Variants in TBC1D12 observed in about 807,000 individuals in gnomAD.
TBC1D12 encodes the protein TBC1 domain family, member 12.
Under a neutral mutation model 86.7 loss-of-function variants are expected in TBC1D12, and 56 were observed. The observed-to-expected ratio is 0.65, with a 90% CI of 0.52 to 0.81. The LOEUF (loss-of-function observed/expected upper bound fraction) is 0.81. Ranked by LOEUF, TBC1D12 falls within the 30% of genes least tolerant of loss-of-function variation. The pLI is 0.00. For missense variants in TBC1D12, 1,023 were observed against 1,038.8 expected, an observed-to-expected ratio of 0.98 and a Z score of 0.21; for synonymous variants, 421 against 411.7, an observed-to-expected ratio of 1.02 and a Z score of -0.27.
chr10:94,402,657 C>A lies in TBC1D12; in HGVS notation c.44C>A (p.Pro15His). Reference protein sequence around the residue: ...EDAGACSGRNPKLLPVPAPDP... With the variant: ...EDAGACSGRNHKLLPVPAPDP... ...GCCGGAGCCTGCTCGGGAAGAAACCCCAAGTTGCTCCCGGTGCCTGCGCCG... is the reference window on the plus strand; with the variant it reads ...GCCGGAGCCTGCTCGGGAAGAAACCACAAGTTGCTCCCGGTGCCTGCGCCG... The change falls in exon 1 of 13, where the codon CCC becomes CAC. Residue 15 changes from proline to histidine, a missense_variant. This residue lies in a region of TBC1D12 where 628 missense variants were observed against 531.1 expected (regional missense o/e 1.18). Coordinates refer to ENST00000225235, the MANE Select transcript of TBC1D12 (RefSeq NM_015188.2). 1 of 1,611,226 alleles carries A rather than the reference C, an allele frequency of 6.2e-7. No individual in the cohort carries two copies. The highest frequency in any genetic ancestry group is 2.2e-5 in the East Asian group (1 of 44,812).
intron 3 of TBC1D12, among the ~76,000 whole-genome samples, chr10:94,479,500 G>T (rs1161012781): frequency 6.6e-6 from 1 of 152,056 alleles, no homozygotes; most frequent in Non-Finnish European, 1.5e-5. Flanking sequence ...TTATTCTTTT[G>T]CAGAAATCCA....
intron 5 of TBC1D12, among the ~76,000 whole-genome samples, chr10:94,499,868 C>G (rs1420069945): frequency 6.6e-6 from 1 of 152,150 alleles, no homozygotes; most frequent in Non-Finnish European, 1.5e-5. Context: ...TAGGGCCTTC[C>G]CACTGTAGAT....
chr10:94,422,696 T>A (rs554576594), intron 1 of TBC1D12, among the ~76,000 whole-genome samples: 1 of 152,020 alleles, frequency 6.6e-6, no homozygotes, highest in African/African-American at 2.4e-5. Flanking sequence ...TGCCTTAGCC[T>A]TTTGAGTAGT....
intron 1 of TBC1D12, among the ~76,000 whole-genome samples, chr10:94,405,707 A>C (rs2134042425): frequency 6.6e-6 from 1 of 152,282 alleles, no homozygotes; most frequent in East Asian, 1.9e-4. Flanking sequence ...ATGCATTGTG[A>C]ATAGAGATGA....
intron 2 of TBC1D12, among the ~76,000 whole-genome samples, chr10:94,446,575 A>G (rs12221475): frequency 0.48 from 73,490 of 151,704 alleles, 18,324 homozygotes; most frequent in East Asian, 0.79. Flanking sequence ...TTTTTTTTGG[A>G]ATGTGGGGCT....
Position 94,427,415 on chromosome 10 carries a change from T to A in TBC1D12, c.972-14481T>A, listed in dbSNP as rs543189598. ...ATTGGTCCTAAAGCAACAGAGACTT[T>A]ATTTATAAAACATGTCATGCATGAT... On this transcript the variant is annotated intron_variant, in intron 1 of 12. Coordinates refer to ENST00000225235, the MANE Select transcript of TBC1D12 (RefSeq NM_015188.2). Among the ~76,000 whole-genome samples, 235 of 152,370 alleles carry A rather than the reference T, an allele frequency of 1.5e-3. 1 individual carries two copies. The highest frequency in any genetic ancestry group is 2.7e-3 in the Non-Finnish European group (186 of 68,028).
At chr10:94,411,884 C>T (rs1019379625) in intron 1 of TBC1D12, among the ~76,000 whole-genome samples, 10 of 152,142 alleles carry the variant, frequency 6.6e-5, no homozygotes, top group African/African-American at 7.2e-5. Context: ...CTTGAGCCAG[C>T]GAGGTCGGGG....
intron 9 of TBC1D12, among the ~76,000 whole-genome samples, chr10:94,513,997 A>G (rs2056556655): frequency 6.6e-6 from 1 of 151,586 alleles, no homozygotes; most frequent in African/African-American, 2.4e-5. Flanking sequence ...AATGTACAGA[A>G]CTCAGTTATT....
intron 1 of TBC1D12, among the ~76,000 whole-genome samples, chr10:94,405,876 C>G (rs994760272): frequency 6.6e-6 from 1 of 150,654 alleles, no homozygotes; most frequent in Non-Finnish European, 1.5e-5. Context: ...GTGGTGCCAT[C>G]TTGGCTCACT....
intron 1 of TBC1D12, among the ~76,000 whole-genome samples, chr10:94,408,901 T>A (rs1235470588): frequency 6.6e-6 from 1 of 152,202 alleles, no homozygotes; most frequent in Non-Finnish European, 1.5e-5. Context: ...GAAGGAAGAA[T>A]CTATTGAATT....
At chr10:94,514,854 A>G (rs2056569089) in intron 9 of TBC1D12, among the ~76,000 whole-genome samples, 1 of 151,346 alleles carries the variant, frequency 6.6e-6, no homozygotes, top group Non-Finnish European at 1.5e-5. Flanking sequence ...ACAGTTTTCT[A>G]TAATAGCTGT....
intron 2 of TBC1D12, among the ~76,000 whole-genome samples, chr10:94,454,837 A>C (rs1465494670): frequency 6.6e-6 from 1 of 152,192 alleles, no homozygotes; most frequent in Non-Finnish European, 1.5e-5. Context: ...AAACAAAGAC[A>C]ATTTTATTTC....
chr10:94,452,961 G>C (rs2055573362), intron 2 of TBC1D12, among the ~76,000 whole-genome samples: 1 of 152,136 alleles, frequency 6.6e-6, no homozygotes, highest in Non-Finnish European at 1.5e-5. Flanking sequence ...TCAGTGTTTT[G>C]AATTTTGGCC....
intron 5 of TBC1D12, among the ~76,000 whole-genome samples, chr10:94,499,692 G>T (rs963832140): frequency 5.9e-5 from 9 of 152,128 alleles, no homozygotes; most frequent in African/African-American, 1.9e-4. Context: ...TAAGGTGTAT[G>T]TATTTTTACT....
intron 1 of TBC1D12, among the ~76,000 whole-genome samples, chr10:94,404,873 C>G (rs1453459506): frequency 4.6e-5 from 7 of 151,828 alleles, no homozygotes; most frequent in Non-Finnish European, 1.0e-4. Flanking sequence ...ATGGTGAAAC[C>G]CCGTCTCTAC....
intron 4 of TBC1D12, among the ~76,000 whole-genome samples, chr10:94,495,844 C>G (rs1302236697): frequency 1.3e-5 from 2 of 152,120 alleles, no homozygotes; most frequent in Non-Finnish European, 2.9e-5. Flanking sequence ...TAGCTCACGC[C>G]TATAACCCCA....
At chr10:94,490,980 GGTTT>G (rs1159439320) in intron 3 of TBC1D12, among the ~76,000 whole-genome samples, 1 of 151,630 alleles carries the variant, frequency 6.6e-6, no homozygotes, top group African/African-American at 2.4e-5. Context: ...CTGGTTTTCT[GGTTT>G]GTAACTTTTA....
At chr10:94,434,768 G>A (rs1231833366) in intron 1 of TBC1D12, among the ~76,000 whole-genome samples, 1 of 152,120 alleles carries the variant, frequency 6.6e-6, no homozygotes, top group Non-Finnish European at 1.5e-5. Context: ...TTAGCTGGGT[G>A]TTGTGGTGTG....
intron 2 of TBC1D12, among the ~76,000 whole-genome samples, chr10:94,459,667 G>A (rs965195982): frequency 2.6e-5 from 4 of 152,326 alleles, no homozygotes; most frequent in South Asian, 2.1e-4. Context: ...GAGGCCCAGC[G>A]AGAATTTGAG....
Sources: gnomAD v4.1 joint callset for allele counts (sites outside exome capture counted in the v4.1 genomes callset) on GRCh38, gnomAD v4.1.1 for gene constraint, gnomAD v4.1.1 regional missense constraint, MANE v1.5 for transcripts, NCBI Gene and HGNC (gene_info 2026-07-23, HGNC 2026-07-21) for gene names.